LACTB2: variants seen among roughly 807,000 people sequenced by gnomAD.
LACTB2 encodes the protein lactamase beta 2, also known as endoribonuclease LACTB2.
In LACTB2, 32 loss-of-function variants were observed where a neutral mutation model predicts 34.8. The ratio of observed to expected loss-of-function variants is 0.92; its 90% CI spans 0.69 to 1.24. The LOEUF is 1.24. Among genes scored for constraint, LACTB2 ranks in the 50% most tolerant of loss-of-function variants. The pLI is 0.00. For synonymous variants in LACTB2, 120 were observed against 117.5 expected, an observed-to-expected ratio of 1.02 and a Z score of -0.14; for missense variants, 320 against 345.0, an observed-to-expected ratio of 0.93 and a Z score of 0.57.
intron 3 of LACTB2, chr8:70,646,035 G>C (rs1375273146): frequency 1.3e-5 from 2 of 152,166 alleles, no homozygotes. Flanking sequence ...GGGTCAAATG[G>C]TATTTCTAGT....
At chr8:70,642,026 C>A (rs1041636368) in intron 4 of LACTB2, among the ~76,000 whole-genome samples, 1 of 152,118 alleles carries the variant, frequency 6.6e-6, no homozygotes, top group Non-Finnish European at 1.5e-5. Context: ...CTGCACAAAA[C>A]CTGATGGCTA....
intron 4 of LACTB2, 128 bp downstream of exon 4, chr8:70,643,937 A>G: frequency 4.8e-6 from 4 of 840,374 alleles, no homozygotes; most frequent in Non-Finnish European, 6.6e-6. Context: ...CTGTATACCC[A>G]GCGCTTTGGG....
chr8:70,659,586 T>C (rs1378632583), intron 2 of LACTB2, among the ~76,000 whole-genome samples: 2 of 152,224 alleles, frequency 1.3e-5, no homozygotes, highest in East Asian at 1.9e-4. Flanking sequence ...TGACATTATA[T>C]AACAAGATTG....
chr8:70,661,534 T>G (rs1010681470), intron 2 of LACTB2, 200 bp downstream of exon 2: 19 of 478,638 alleles, frequency 4.0e-5, no homozygotes, highest in East Asian at 1.1e-4. Context: ...AATTGAGGAT[T>G]TGAAACAGAA....
At chr8:70,657,458 G>A (rs934578893) in intron 3 of LACTB2, among the ~76,000 whole-genome samples, 11 of 146,276 alleles carry the variant, frequency 7.5e-5, no homozygotes, top group Non-Finnish European at 1.2e-4. Flanking sequence ...TTGAGACAGG[G>A]TTTCACTCGG....
At chr8:70,666,831 C>A (rs940637355) in intron 1 of LACTB2, among the ~76,000 whole-genome samples, 8 of 152,096 alleles carry the variant, frequency 5.3e-5, no homozygotes, top group African/African-American at 1.9e-4. Flanking sequence ...AAGATATGAA[C>A]AACTGAAGGA....
intron 1 of LACTB2, among the ~76,000 whole-genome samples, chr8:70,667,041 A>G (rs956922999): frequency 2.6e-5 from 4 of 152,206 alleles, no homozygotes; most frequent in Non-Finnish European, 5.9e-5. Context: ...AGATGAGATC[A>G]CCTAGGTAGA....
chr8:70,653,450 C>T (rs1045305914), intron 3 of LACTB2, among the ~76,000 whole-genome samples: 2 of 152,158 alleles, frequency 1.3e-5, no homozygotes, highest in Non-Finnish European at 2.9e-5. Context: ...TTTTGAAAAT[C>T]ACAGCACAGT....
At chr8:70,658,363 C>T (rs549923729) in intron 2 of LACTB2, among the ~76,000 whole-genome samples, 19 of 152,246 alleles carry the variant, frequency 1.2e-4, no homozygotes, top group Admixed American at 3.9e-4. Flanking sequence ...AGATATTAAA[C>T]CTTTAAAATA....
intron 3 of LACTB2, chr8:70,654,567 AT>A (rs986136326): frequency 1.8e-4 from 27 of 148,054 alleles, no homozygotes; most frequent in Middle Eastern, 3.4e-3. Flanking sequence ...GTATTTACCT[AT>A]TTTTTTTTTA....
In LACTB2 at chr8:70,661,842, T is replaced by A; in HGVS notation, c.178A>T (p.Lys60Ter). Residue 60 changes from lysine (K) to a stop codon, truncating the protein, a stop_gained, in exon 2 of 7, where the codon AAG becomes TAG. Transcript: ENST00000276590. LOFTEE classifies it high-confidence loss of function. ...GTGTTAAATTCAGTTAGAGCCTGCT[T>A]TAAACAGCTGATGTATTCTGGAATT... ...PAIPEYISCL[K>*]QALTEFNTAI... The A allele has an allele frequency of 6.2e-7, 1 of 1,613,832 alleles. No homozygotes were observed. Among genetic ancestry groups the A allele is most frequent in the Non-Finnish European group, 8.5e-7 (1 of 1,179,898 alleles).
In LACTB2 at chr8:70,661,743, T is replaced by A. The variant is rs146364764; in HGVS notation, c.277A>T (p.Ile93Phe). The A allele has an allele frequency of 6.2e-7, 1 of 1,607,554 alleles. No homozygotes were observed. The highest frequency in any genetic ancestry group is 8.5e-7 in the Non-Finnish European group (1 of 1,178,412). The stretch of plus-strand genomic sequence containing the variant: ...AATGTTTTCTGTTTACCATTATTGA[T>A]GCTTTTACAAATATCTCCTATGCCT... Reference protein sequence around the residue: ...SGGIGDICKSINNDTTYCIKK... With the variant: ...SGGIGDICKSFNNDTTYCIKK... The change falls in exon 2 of 7, where the codon ATC (isoleucine) becomes TTC (phenylalanine). Residue 93 changes from isoleucine to phenylalanine, a missense_variant. Transcript: ENST00000276590.
Position 70,664,031 on chromosome 8 carries a change from T to A in LACTB2, c.123-2134A>T, listed in dbSNP as rs554935652. On this transcript the variant is annotated intron_variant, in intron 1 of 6. Transcript: ENST00000276590. ...CACAAGACTATAATACTATGATACC[T>A]CCAATAATACTCTCTAGCCCACCCA... Among the ~76,000 whole-genome samples the A allele has an allele frequency of 1.8e-4, 27 of 152,240 alleles. No homozygotes were observed. In the South Asian group the frequency reaches 5.6e-3, roughly 32 times the overall value.
chr8:70,666,783 A>G (rs72667711), intron 1 of LACTB2, among the ~76,000 whole-genome samples: 20 of 152,330 alleles, frequency 1.3e-4, no homozygotes, highest in South Asian at 1.0e-3. Context: ...AATGTCAGGA[A>G]GGGTATTTAG....
At chr8:70,641,513 A>G (rs190542174) in intron 4 of LACTB2, among the ~76,000 whole-genome samples, 2 of 152,334 alleles carry the variant, frequency 1.3e-5, no homozygotes, top group Non-Finnish European at 2.9e-5. Flanking sequence ...CCACAGTTAC[A>G]TAGCTAAGAA....
chr8:70,649,225 G>T (rs1818306714), intron 3 of LACTB2, among the ~76,000 whole-genome samples: 1 of 152,126 alleles, frequency 6.6e-6, no homozygotes, highest in Admixed American at 6.5e-5. Context: ...TCCAACACTG[G>T]AGAGAGGCAA....
chr8:70,648,790 G>C (rs1004595620), intron 3 of LACTB2, among the ~76,000 whole-genome samples: 22 of 152,118 alleles, frequency 1.4e-4, no homozygotes, highest in Non-Finnish European at 2.6e-4. Flanking sequence ...TTTTTCCGAT[G>C]ATGGGACTCA....
chr8:70,655,276 G>A (rs2132076700), intron 3 of LACTB2, among the ~76,000 whole-genome samples: 1 of 149,946 alleles, frequency 6.7e-6, no homozygotes, highest in East Asian at 2.0e-4. Flanking sequence ...CTGGAGTGCA[G>A]TGGCACAATT....
chr8:70,669,146 G>A lies in LACTB2; in HGVS notation c.-26C>T. ...TCCCGCCTCAGCCGCCCGCCGGCGT[G>A]TCGCCTATCTGGATACTCCAGCGCG... On this transcript the variant is annotated 5_prime_UTR_variant, in exon 1 of 7. Transcript: ENST00000276590. 1 of 1,611,232 alleles carries A rather than the reference G, an allele frequency of 6.2e-7. No homozygotes were observed. The highest frequency in any genetic ancestry group is 1.1e-5 in the South Asian group (1 of 90,676).
Sources: allele counts gnomAD v4.1 joint callset (sites outside exome capture counted in the v4.1 genomes callset), GRCh38; gene constraint gnomAD v4.1.1; transcripts MANE v1.5; gene names NCBI Gene and HGNC (gene_info 2026-07-23, HGNC 2026-07-21).